GREM2: variants seen among roughly 807,000 people sequenced by gnomAD.
GREM2 encodes the protein gremlin 2, DAN family BMP antagonist.
Under a neutral mutation model 14.2 loss-of-function variants are expected in GREM2, and 11 were observed. That is an observed-to-expected ratio of 0.78 (90% CI 0.49 to 1.28). GREM2 has a LOEUF of 1.28. Ranked by LOEUF, GREM2 falls within the 50% of genes most tolerant of loss-of-function variation. The pLI is 0.00. For missense variants in GREM2, 210 were observed against 218.5 expected (o/e 0.96, Z 0.24); for synonymous variants, 98 against 97.6 (o/e 1.00, Z -0.02).
In GREM2 at chr1:240,515,438, G is replaced by A. The variant is rs188606520; in HGVS notation, c.-1-21962C>T. Among the ~76,000 whole-genome samples the A allele has an allele frequency of 2.8e-4, 42 of 152,220 alleles. 1 individual carries two copies. The highest frequency in any genetic ancestry group is 2.1e-3 in the Admixed American group (32 of 15,286). On this transcript the variant is annotated intron_variant, in intron 1 of 1. Transcript: ENST00000318160. ...ATGTGTTACTTTCTCCCCCTTTAATGAGATCAAAGTACATCAGAATTAGAT... is the reference window on the plus strand; with the variant it reads ...ATGTGTTACTTTCTCCCCCTTTAATAAGATCAAAGTACATCAGAATTAGAT...
At chr1:240,580,579 T>C (rs1479564432) in intron 1 of GREM2, among the ~76,000 whole-genome samples, 2 of 152,142 alleles carry the variant, frequency 1.3e-5, no homozygotes, top group African/African-American at 4.8e-5. Context: ...ATCCAATATA[T>C]CCTTCCTTCC....
At chr1:240,496,515 C>T (rs542561986) in intron 1 of GREM2, among the ~76,000 whole-genome samples, 2 of 152,340 alleles carry the variant, frequency 1.3e-5, no homozygotes, top group South Asian at 2.1e-4. Context: ...CCATCGTGGA[C>T]GTCACCGTCT....
rs1677288051 is a variant in GREM2 at position 240,492,759 on chromosome 1, G to C, written c.*210C>G. On this transcript the variant is annotated 3_prime_UTR_variant, in exon 2 of 2. Coordinates refer to ENST00000318160, the MANE Select transcript of GREM2 (RefSeq NM_022469.4). ...CGCCTGGTTTAGGGGGCACAGGTGGGACCCGGGGTCGGTCAGGAACACATC... is the reference window on the plus strand; with the variant it reads ...CGCCTGGTTTAGGGGGCACAGGTGGCACCCGGGGTCGGTCAGGAACACATC... 1 of 399,652 alleles carries C rather than the reference G, an allele frequency of 2.5e-6. No individual in the cohort carries two copies. The highest frequency in any genetic ancestry group is 4.1e-6 in the Non-Finnish European group (1 of 242,332). The allele number at this position is 399,652 out of a possible 1,614,324, so 24.8% of individuals were successfully genotyped here. A position where few individuals can be genotyped will look rare whatever the true frequency, so the allele number is the denominator to read the frequency against.
At chr1:240,550,943 C>A (rs77543421) in intron 1 of GREM2, among the ~76,000 whole-genome samples, 6,248 of 152,178 alleles carry the variant, frequency 0.041, 421 homozygotes, top group African/African-American at 0.14. Context: ...TCATGAAGAC[C>A]AGTTAGGATG....
chr1:240,593,802 C>T (rs1040678981), intron 1 of GREM2, among the ~76,000 whole-genome samples: 4 of 151,994 alleles, frequency 2.6e-5, no homozygotes, highest in East Asian at 2.0e-4. Flanking sequence ...AGGGCTGACA[C>T]GACCTTAGTG....
intron 1 of GREM2, among the ~76,000 whole-genome samples, chr1:240,610,172 A>G (rs2102877477): frequency 6.6e-6 from 1 of 152,232 alleles, no homozygotes; most frequent in East Asian, 1.9e-4. Flanking sequence ...TTTTATTTAT[A>G]AAAGATTGAC....
intron 1 of GREM2, among the ~76,000 whole-genome samples, chr1:240,526,450 T>C (rs1678223292): frequency 6.6e-6 from 1 of 152,152 alleles, no homozygotes. Context: ...TCAACACTAA[T>C]CCGGCAAGCA....
intron 1 of GREM2, among the ~76,000 whole-genome samples, chr1:240,552,689 G>C (rs896305913): frequency 4.6e-5 from 7 of 152,212 alleles, no homozygotes; most frequent in African/African-American, 1.7e-4. Context: ...AGAGGCGAAT[G>C]CAAGACTCAG....
intron 1 of GREM2, among the ~76,000 whole-genome samples, chr1:240,563,013 TGTGTGTATGTGTGTATATGA>T (rs1273291555): frequency 2.0e-5 from 3 of 149,590 alleles, no homozygotes; most frequent in Non-Finnish European, 4.4e-5. Flanking sequence ...TGTGAGTGTA[TGTGTGTATGTGTGTATATGA>T]GTGTGTATGT....
chr1:240,536,590 G>A (rs371994387), intron 1 of GREM2, among the ~76,000 whole-genome samples: 13 of 151,800 alleles, frequency 8.6e-5, no homozygotes, highest in South Asian at 4.2e-4. Context: ...AAATGGCAGC[G>A]GGGGCTGTAG....
At chr1:240,536,409 A>T (rs1353088860) in intron 1 of GREM2, among the ~76,000 whole-genome samples, 1 of 152,188 alleles carries the variant, frequency 6.6e-6, no homozygotes, top group African/African-American at 2.4e-5. Flanking sequence ...TTTGTCTCTA[A>T]CCCTAAAGAA....
At chr1:240,529,584 A>G (rs969363027) in intron 1 of GREM2, among the ~76,000 whole-genome samples, 1 of 151,102 alleles carries the variant, frequency 6.6e-6, no homozygotes, top group Non-Finnish European at 1.5e-5. Flanking sequence ...TCAGATGAAT[A>G]AAAAAAAAGA....
At chr1:240,588,618 G>A (rs982760961) in intron 1 of GREM2, 1 of 152,142 alleles carries the variant, frequency 6.6e-6, no homozygotes. Context: ...TTTCGTGCAA[G>A]GTCACGCAGC....
intron 1 of GREM2, among the ~76,000 whole-genome samples, chr1:240,591,348 G>A (rs1351632578): frequency 6.6e-6 from 1 of 152,142 alleles, no homozygotes; most frequent in East Asian, 1.9e-4. Context: ...GCTTGTTGAA[G>A]GAACATATTG....
chr1:240,526,674 C>T (rs989106241), intron 1 of GREM2, among the ~76,000 whole-genome samples: 1 of 152,208 alleles, frequency 6.6e-6, no homozygotes, highest in Non-Finnish European at 1.5e-5. Context: ...AATCTCCGTG[C>T]TTACGTGGAC....
chr1:240,543,643 T>C lies in GREM2; in HGVS notation c.-1-50167A>G, dbSNP rs1558156251. On this transcript the variant is annotated intron_variant, in intron 1 of 1. Transcript: ENST00000318160. The surrounding 1 kb of genome is among the most constrained non-coding windows in gnomAD (Gnocchi z 6.4). ...CTAACAATTCCCACAAAAAATTCTA[T>C]TTAGTTTTAGGAACAAAGCATACCT... is the stretch of plus-strand genomic sequence containing the variant. Among the ~76,000 whole-genome samples the C allele has an allele frequency of 6.6e-6, 1 of 152,176 alleles. No homozygotes were observed. Among genetic ancestry groups the C allele is most frequent in the East Asian group, 1.9e-4 (1 of 5,180 alleles).
Position 240,526,945 on chromosome 1 carries a change from C to T in GREM2, c.-1-33469G>A, listed in dbSNP as rs911502939. 5.3e-5 allele frequency among the ~76,000 whole-genome samples: 8 copies of T among 152,116 alleles called. No individual in the cohort carries two copies. In the South Asian group the frequency reaches 6.2e-4, roughly 12 times the overall value. Reference sequence around the variant, plus strand: ...AGGATGGGGTCAGTTATCTTGTTACCTTTTAACCCTATTAGCTGATGTTCT... The same window carrying T: ...AGGATGGGGTCAGTTATCTTGTTACTTTTTAACCCTATTAGCTGATGTTCT... On this transcript the variant is annotated intron_variant, in intron 1 of 1. Transcript: ENST00000318160.
intron 1 of GREM2, among the ~76,000 whole-genome samples, chr1:240,544,456 C>T (rs1678673558): frequency 6.6e-6 from 1 of 151,984 alleles, no homozygotes; most frequent in South Asian, 2.1e-4. Flanking sequence ...CAGTACTAGG[C>T]CATTTTATAT....
intron 1 of GREM2, among the ~76,000 whole-genome samples, chr1:240,548,418 C>T (rs967669599): frequency 2.0e-5 from 3 of 152,132 alleles, no homozygotes; most frequent in African/African-American, 7.2e-5. Flanking sequence ...CTTAGTCAAC[C>T]ATATTCCTTA....
Sources: allele counts gnomAD v4.1 joint callset (sites outside exome capture counted in the v4.1 genomes callset), GRCh38; gene constraint gnomAD v4.1.1; non-coding constraint Gnocchi (gnomAD v3.1); transcripts MANE v1.5; gene names NCBI Gene and HGNC (gene_info 2026-07-23, HGNC 2026-07-21).